CFAP20DC: variants seen among roughly 807,000 people sequenced by gnomAD.
CFAP20DC encodes the protein protein CFAP20DC.
A neutral mutation model predicts 101.7 loss-of-function variants in CFAP20DC; 84 were observed. That is an observed-to-expected ratio of 0.83 (90% confidence interval 0.69 to 0.99). The LOEUF (loss-of-function observed/expected upper bound fraction) is 0.99. CFAP20DC is among the 50% of genes least tolerant of loss of function. The pLI is 0.00. For synonymous variants in CFAP20DC, 359 were observed against 351.2 expected, an observed-to-expected ratio of 1.02 and a Z score of -0.25; for missense variants, 1,007 against 970.3, an observed-to-expected ratio of 1.04 and a Z score of -0.50.
intron 15 of CFAP20DC, among the ~76,000 whole-genome samples, chr3:58,789,737 A>G (rs567042271): frequency 6.6e-6 from 1 of 152,306 alleles, no homozygotes; most frequent in African/African-American, 2.4e-5. Flanking sequence ...TGATGGTAAA[A>G]TGCTATTTTA....
intron 14 of CFAP20DC, among the ~76,000 whole-genome samples, chr3:58,816,458 G>A (rs1431976134): frequency 1.3e-5 from 2 of 152,162 alleles, no homozygotes; most frequent in African/African-American, 4.8e-5. Context: ...CCGAAGCAGG[G>A]CGAGGCATTG....
Position 58,874,969 on chromosome 3 carries a change from C to G in CFAP20DC, c.716-4660G>C, listed in dbSNP as rs1374344567. 6.6e-6 allele frequency among the ~76,000 whole-genome samples: 1 copy of G among 152,120 alleles called. No homozygotes were observed. Among genetic ancestry groups the G allele is most frequent in the African/African-American group, 2.4e-5 (1 of 41,432 alleles). On this transcript the variant is annotated intron_variant, in intron 7 of 16. Transcript: ENST00000482387. This position sits in a 1 kb window ranked among gnomAD's most constrained non-coding sequence, Gnocchi z 5.1. ...AGAAGGGAAGTTGGATTAAATGACTCAAAAATGTCTAACTATGGTTTGAAG... is the reference window on the plus strand; with the variant it reads ...AGAAGGGAAGTTGGATTAAATGACTGAAAAATGTCTAACTATGGTTTGAAG...
At chr3:58,951,689 T>C (rs1370336589) in intron 4 of CFAP20DC, among the ~76,000 whole-genome samples, 3 of 151,214 alleles carry the variant, frequency 2.0e-5, no homozygotes, top group African/African-American at 4.9e-5. Flanking sequence ...TTCTCACTCA[T>C]AGGTGGGAAT....
chr3:58,772,818 A>T (rs762753812), intron 15 of CFAP20DC, among the ~76,000 whole-genome samples: 3 of 152,232 alleles, frequency 2.0e-5, no homozygotes, highest in Non-Finnish European at 4.4e-5. Flanking sequence ...AGAACAGTAT[A>T]GTCTTATCCT....
At chr3:58,807,783 T>C (rs556106535) in intron 14 of CFAP20DC, among the ~76,000 whole-genome samples, 6 of 152,232 alleles carry the variant, frequency 3.9e-5, no homozygotes, top group African/African-American at 1.2e-4. Context: ...AGGAGGAAAT[T>C]CAAACCAAAG....
intron 6 of CFAP20DC, among the ~76,000 whole-genome samples, chr3:58,898,311 A>G (rs1451552583): frequency 1.3e-5 from 2 of 152,030 alleles, no homozygotes; most frequent in African/African-American, 4.8e-5. Context: ...AGTAACTGGA[A>G]CTACGTAAGC....
At position 58,724,277 on chromosome 3, in the gene CFAP20DC, C is replaced by T. The variant is rs1390250791; in HGVS notation, c.198-6649G>A. Among the ~76,000 whole-genome samples, 1 of 152,144 alleles carries T rather than the reference C, an allele frequency of 6.6e-6. No individual in the cohort carries two copies. The highest frequency in any genetic ancestry group is 3.2e-3 in the Middle Eastern group (1 of 314). On this transcript the variant is annotated intron_variant, in intron 3 of 3. Transcript: ENST00000486145. The surrounding 1 kb of genome is among the most constrained non-coding windows in gnomAD (Gnocchi z 5.6). ...AAGGTGACTAAAATCTTGGGAGCAG[C>T]AGTGTTGGGAAAAGGGCTTGTGGGG...
In CFAP20DC at chr3:58,868,050, T is replaced by C. The variant is rs2079840628; in HGVS notation, c.1016-114A>G. 1 of 1,211,578 alleles carries C rather than the reference T, an allele frequency of 8.3e-7. No homozygotes were observed. The highest frequency in any genetic ancestry group is 3.0e-5 in the Admixed American group (1 of 33,752). The allele number at this position is 1,211,578 out of a possible 1,614,324, so 75.1% of individuals were successfully genotyped here. Reference sequence around the variant, plus strand: ...AGAATATTCATGTATAATTTTGACATAATGTGAAGATACATCAAAAATACA... The same window carrying C: ...AGAATATTCATGTATAATTTTGACACAATGTGAAGATACATCAAAAATACA... On this transcript the variant is annotated intron_variant, in intron 9 of 16. Transcript: ENST00000482387. The surrounding 1 kb of genome is among the most constrained non-coding windows in gnomAD (Gnocchi z 4.6).
chr3:58,856,265 GAC>G (rs536277954), intron 12 of CFAP20DC, among the ~76,000 whole-genome samples: 12,913 of 123,862 alleles, frequency 0.1, 655 homozygotes, highest in East Asian at 0.28. Context: ...TTCATCTTCT[GAC>G]ACACACACAC....
intron 13 of CFAP20DC, among the ~76,000 whole-genome samples, chr3:58,833,554 TAA>T (rs552518347): frequency 3.3e-3 from 504 of 152,014 alleles, no homozygotes; most frequent in Non-Finnish European, 5.5e-3. Context: ...ATGGTTACAA[TAA>T]AAAAGAGACA....
intron 4 of CFAP20DC, among the ~76,000 whole-genome samples, chr3:58,966,037 A>T (rs2091494435): frequency 6.6e-6 from 1 of 152,238 alleles, no homozygotes; most frequent in African/African-American, 2.4e-5. Flanking sequence ...TCAGTCTGGG[A>T]AGTATTCAAG....
chr3:58,840,620 C>A (rs1208434819), intron 13 of CFAP20DC, among the ~76,000 whole-genome samples: 1 of 152,202 alleles, frequency 6.6e-6, no homozygotes, highest in Non-Finnish European at 1.5e-5. Flanking sequence ...CACAGAGCCA[C>A]CACCCCTGTA....
intron 15 of CFAP20DC, among the ~76,000 whole-genome samples, chr3:58,790,540 G>A (rs999485553): frequency 1.2e-4 from 18 of 152,310 alleles, no homozygotes; most frequent in Admixed American, 3.9e-4. Context: ...AGAAGGAGAG[G>A]AGTAGTGGTG....
intron 4 of CFAP20DC, among the ~76,000 whole-genome samples, chr3:58,961,010 T>C (rs112998666): frequency 3.3e-5 from 5 of 152,368 alleles, no homozygotes; most frequent in African/African-American, 1.2e-4. Flanking sequence ...TATGTGTTTC[T>C]TGTTCTTCAT....
chr3:58,891,284 C>G (rs1425624677), intron 6 of CFAP20DC, among the ~76,000 whole-genome samples: 1 of 138,170 alleles, frequency 7.2e-6, no homozygotes. Context: ...CGTGGCGGCG[C>G]GTGCCTGCAA....
intron 4 of CFAP20DC, among the ~76,000 whole-genome samples, chr3:58,965,371 T>A (rs989708161): frequency 6.6e-6 from 1 of 152,330 alleles, no homozygotes; most frequent in East Asian, 1.9e-4. Flanking sequence ...GTGAAAAACA[T>A]GAGCATTTGG....
intron 12 of CFAP20DC, among the ~76,000 whole-genome samples, chr3:58,858,068 C>A (rs963507342): frequency 6.6e-6 from 1 of 152,070 alleles, no homozygotes; most frequent in Non-Finnish European, 1.5e-5. Context: ...CTACTGAAAA[C>A]CTGTACAGCA....
chr3:58,986,040 AT>A (rs2092738805), intron 4 of CFAP20DC, among the ~76,000 whole-genome samples: 1 of 152,196 alleles, frequency 6.6e-6, no homozygotes, highest in African/African-American at 2.4e-5. Context: ...TTGGCTAACC[AT>A]TTGTTTTCCT....
At chr3:58,848,828 G>A (rs1431978850) in intron 13 of CFAP20DC, among the ~76,000 whole-genome samples, 1 of 152,122 alleles carries the variant, frequency 6.6e-6, no homozygotes, top group East Asian at 1.9e-4. Context: ...TTAAAAACAT[G>A]AGGTATTCTA....
Sources: allele counts gnomAD v4.1 joint callset (sites outside exome capture counted in the v4.1 genomes callset), GRCh38; gene constraint gnomAD v4.1.1; non-coding constraint Gnocchi (gnomAD v3.1); transcripts MANE v1.5; gene names NCBI Gene and HGNC (gene_info 2026-07-23, HGNC 2026-07-21).